The following TENM3 variants were observed in gnomAD, a reference collection of about 807,000 sequenced individuals.
TENM3 encodes the protein teneurin transmembrane protein 3, also known as teneurin-3.
A neutral mutation model predicts 255.1 loss-of-function variants in TENM3; 63 were observed. The ratio of observed to expected loss-of-function variants is 0.25; its 90% CI spans 0.20 to 0.30. The LOEUF is 0.30. Among genes scored for constraint, TENM3 ranks in the 10% least tolerant of loss-of-function variants. The pLI is 1.00. For synonymous variants in TENM3, 1,306 were observed against 1,322.3 expected, an observed-to-expected ratio of 0.99 and a Z score of 0.27; for missense variants, 2,929 against 3,461.1, an observed-to-expected ratio of 0.85 and a Z score of 3.86.
chr4:182,550,937 T>C (rs1337512107), intron 3 of TENM3, among the ~76,000 whole-genome samples: 8 of 152,146 alleles, frequency 5.3e-5, no homozygotes. Flanking sequence ...AAAAAAATCC[T>C]TGGCTGGGAG....
At chr4:181,527,797 T>C in the TENM3 span, among the ~76,000 whole-genome samples, 9 of 149,300 alleles carry the variant, frequency 6.0e-5, no homozygotes, top group Middle Eastern at 3.5e-3. Flanking sequence ...TTACATTTGC[T>C]TGTAGTCTTT....
At chr4:182,632,102 T>TC (rs1388100242) in intron 5 of TENM3, among the ~76,000 whole-genome samples, 1 of 152,228 alleles carries the variant, frequency 6.6e-6, no homozygotes, top group Non-Finnish European at 1.5e-5. Context: ...TTGTCCCATG[T>TC]ACATATACAG....
chr4:181,633,639 T>C, the TENM3 span, among the ~76,000 whole-genome samples: 1 of 152,166 alleles, frequency 6.6e-6, no homozygotes, highest in Non-Finnish European at 1.5e-5. Context: ...CTGAGGGTTA[T>C]GACTACTTGG....
intron 22 of TENM3, among the ~76,000 whole-genome samples, chr4:182,756,576 G>T (rs770814486): frequency 6.6e-6 from 1 of 152,176 alleles, no homozygotes; most frequent in Admixed American, 6.5e-5. Context: ...CAATGATACG[G>T]TGAAGCAAAG....
At chr4:182,641,813 C>T (rs1485062168) in intron 5 of TENM3, among the ~76,000 whole-genome samples, 1 of 152,188 alleles carries the variant, frequency 6.6e-6, no homozygotes, top group Non-Finnish European at 1.5e-5. Context: ...AGGCGCAAGC[C>T]ACCGCGCCTG....
At chr4:181,531,131 G>T in the TENM3 span, among the ~76,000 whole-genome samples, 1 of 152,060 alleles carries the variant, frequency 6.6e-6, no homozygotes, top group Non-Finnish European at 1.5e-5. Flanking sequence ...ATGTCATGTG[G>T]TTATTTTCTG....
chr4:182,564,366 C>T (rs1743540091), intron 3 of TENM3, among the ~76,000 whole-genome samples: 2 of 151,808 alleles, frequency 1.3e-5, no homozygotes, highest in Admixed American at 1.3e-4. Flanking sequence ...GTTGCCCACG[C>T]TGGTCTTGAA....
intron 1 of TENM3, among the ~76,000 whole-genome samples, chr4:182,184,141 T>C (rs1753006653): frequency 6.6e-6 from 1 of 152,128 alleles, no homozygotes; most frequent in Non-Finnish European, 1.5e-5. Flanking sequence ...GTACTATAGG[T>C]TAGACAAGCA....
intron 3 of TENM3, among the ~76,000 whole-genome samples, chr4:182,478,472 T>C (rs1733890614): frequency 6.6e-6 from 1 of 151,934 alleles, no homozygotes; most frequent in African/African-American, 2.4e-5. Flanking sequence ...ATAATTAATC[T>C]CCTGTAAAGA....
At chr4:182,626,292 A>G (rs1750813260) in intron 4 of TENM3, among the ~76,000 whole-genome samples, 1 of 152,208 alleles carries the variant, frequency 6.6e-6, no homozygotes, top group Non-Finnish European at 1.5e-5. Flanking sequence ...TTAATTTTGT[A>G]CACATTCGTT....
At chr4:181,731,057 T>A in the TENM3 span, among the ~76,000 whole-genome samples, 1 of 152,344 alleles carries the variant, frequency 6.6e-6, no homozygotes, top group Admixed American at 6.5e-5. Flanking sequence ...ATCTAAATCA[T>A]GTCTGTGCAA....
chr4:181,515,424 T>C, the TENM3 span, among the ~76,000 whole-genome samples: 1 of 152,064 alleles, frequency 6.6e-6, no homozygotes, highest in African/African-American at 2.4e-5. Flanking sequence ...CTTCTCCAAT[T>C]TGCATTGAAA....
At chr4:182,218,758 C>T (rs1327606440) in intron 1 of TENM3, among the ~76,000 whole-genome samples, 2 of 152,096 alleles carry the variant, frequency 1.3e-5, no homozygotes, top group East Asian at 3.9e-4. Flanking sequence ...TGAAAGTGCA[C>T]ACCTAATATA....
At chr4:181,875,279 C>G in the TENM3 span, among the ~76,000 whole-genome samples, 1 of 152,132 alleles carries the variant, frequency 6.6e-6, no homozygotes, top group African/African-American at 2.4e-5. Flanking sequence ...AATAAATGAC[C>G]TGGCTATCCT....
chr4:181,697,140 A>G, the TENM3 span, among the ~76,000 whole-genome samples: 23 of 152,344 alleles, frequency 1.5e-4, no homozygotes, highest in Non-Finnish European at 2.6e-4. Context: ...ATGGCCCAAG[A>G]ATCTTCAAAC....
the TENM3 span, among the ~76,000 whole-genome samples, chr4:182,126,748 GAA>G: frequency 6.6e-6 from 1 of 152,212 alleles, no homozygotes; most frequent in Non-Finnish European, 1.5e-5. Flanking sequence ...GAGTTGAAGT[GAA>G]AAAAGAACCC....
At chr4:181,844,400 T>C in the TENM3 span, among the ~76,000 whole-genome samples, 1 of 152,084 alleles carries the variant, frequency 6.6e-6, no homozygotes, top group African/African-American at 2.4e-5. Flanking sequence ...AAGTTGAATG[T>C]ACTCACGCCT....
chr4:182,141,017 G>A (rs1045828430), upstream of TENM3, among the ~76,000 whole-genome samples: 13 of 143,732 alleles, frequency 9.0e-5, no homozygotes, highest in Non-Finnish European at 1.4e-4. Context: ...CCCTTTGAGA[G>A]GCTTCCAAAG....
At chr4:182,101,929 T>C in the TENM3 span, among the ~76,000 whole-genome samples, 3 of 152,228 alleles carry the variant, frequency 2.0e-5, no homozygotes, top group Non-Finnish European at 4.4e-5. Context: ...TGATTGATTT[T>C]CAGGTAGAAG....
Sources: allele counts gnomAD v4.1 joint callset (sites outside exome capture counted in the v4.1 genomes callset), GRCh38; gene constraint gnomAD v4.1.1; transcripts MANE v1.5; gene names NCBI Gene and HGNC (gene_info 2026-07-23, HGNC 2026-07-21).